Variants in ZFPM2 observed in about 807,000 individuals in gnomAD.
ZFPM2 encodes zinc finger protein ZFPM2.
A neutral mutation model predicts 98.6 loss-of-function variants in ZFPM2; 20 were observed. The ratio of observed to expected loss-of-function variants is 0.20; its 90% CI spans 0.14 to 0.29. The LOEUF is 0.29. Among genes scored for constraint, ZFPM2 ranks in the 10% least tolerant of loss-of-function variants. The pLI, the probability that ZFPM2 is intolerant of heterozygous loss-of-function variation, is 1.00. For missense variants in ZFPM2, 1,310 were observed against 1,388.6 expected (o/e 0.94, Z 0.90); for synonymous variants, 518 against 502.7 (o/e 1.03, Z -0.41).
At chr8:105,337,469 CAA>C (rs563793026) in intron 1 of ZFPM2, among the ~76,000 whole-genome samples, 180 of 151,888 alleles carry the variant, frequency 1.2e-3, no homozygotes, top group African/African-American at 4.0e-3. Context: ...TTGTAAATCT[CAA>C]AGTTTCAAAA....
Position 105,802,204 on chromosome 8 carries a change from T to G in ZFPM2, c.2122T>G (p.Tyr708Asp). Residue 708 changes from tyrosine (Y) to aspartate (D), a missense_variant, in exon 8 of 8, where the codon TAT (tyrosine) becomes GAT (aspartate). By Grantham distance (160) the Tyr-to-Asp change is radical. Coordinates refer to ENST00000407775, the MANE Select transcript of ZFPM2 (RefSeq NM_012082.4). ...CGAAACATACATGGTCCACAAACAG[T>G]ATTACTGTGCTACACGCCACGACCC... ...RHETYMVHKQ[Y>D]YCATRHDPPL... The G allele has an allele frequency of 6.2e-7, 1 of 1,613,810 alleles. No individual in the cohort carries two copies. Among genetic ancestry groups the G allele is most frequent in the East Asian group, 2.2e-5 (1 of 44,834 alleles).
rs1259395862 is a variant in ZFPM2, at chr8:105,418,379, C to T, written c.41-765C>T. On this transcript the variant is annotated intron_variant, in intron 1 of 7. Transcript: ENST00000407775. ...AGCCCAGTGGTATTCCCATGTAGTC[C>T]ACTTCAGATCGGTCTGAACAACTCC... 2.0e-5 allele frequency among the ~76,000 whole-genome samples: 3 copies of T among 152,230 alleles called. No individual in the cohort carries two copies. The East Asian group carries it at 5.8e-4, about 29-fold the overall frequency.
chr8:105,518,433 T>C (rs1257472003), intron 3 of ZFPM2, among the ~76,000 whole-genome samples: 2 of 152,254 alleles, frequency 1.3e-5, no homozygotes, highest in African/African-American at 2.4e-5. Flanking sequence ...GATAAAATGC[T>C]TACTCTCTGT....
At chr8:105,764,249 G>T (rs1400475715) in intron 5 of ZFPM2, among the ~76,000 whole-genome samples, 1 of 147,578 alleles carries the variant, frequency 6.8e-6, no homozygotes, top group Non-Finnish European at 1.5e-5. Context: ...CTAGATCAAG[G>T]TTTAAAACTC....
Position 105,651,343 on chromosome 8 carries a change from C to A in ZFPM2, c.532+16986C>A, listed in dbSNP as rs554459397. Among the ~76,000 whole-genome samples the A allele has an allele frequency of 1.1e-3, 164 of 151,996 alleles. 1 individual carries two copies. Among genetic ancestry groups the A allele is most frequent in the African/African-American group, 3.7e-3 (154 of 41,462 alleles). ...ATTAGCCGGGTGTGGTGGCGGGCAC[C>A]TGTAATCCCAGCTACTTAGGAGGCT... On this transcript the variant is annotated intron_variant, in intron 5 of 7. Coordinates refer to ENST00000407775, the MANE Select transcript of ZFPM2 (RefSeq NM_012082.4).
chr8:105,463,762 A>G (rs550535025), intron 3 of ZFPM2, among the ~76,000 whole-genome samples: 2 of 151,954 alleles, frequency 1.3e-5, no homozygotes, highest in African/African-American at 4.8e-5. Context: ...TTTTTTTCCC[A>G]AAAAGGAAGA....
chr8:105,404,752 C>A (rs1563643366), intron 1 of ZFPM2, among the ~76,000 whole-genome samples: 1 of 152,036 alleles, frequency 6.6e-6, no homozygotes, highest in African/African-American at 2.4e-5. Flanking sequence ...TGTGTGGAAT[C>A]CTGGTAGATT....
At chr8:105,596,181 A>G (rs1815966140) in intron 4 of ZFPM2, among the ~76,000 whole-genome samples, 1 of 152,038 alleles carries the variant, frequency 6.6e-6, no homozygotes, top group South Asian at 2.1e-4. Context: ...GTGAATGAAA[A>G]TATGTTTGGC....
intron 1 of ZFPM2, among the ~76,000 whole-genome samples, chr8:105,351,747 T>C (rs1274819366): frequency 1.3e-5 from 2 of 152,138 alleles, no homozygotes; most frequent in Non-Finnish European, 2.9e-5. Flanking sequence ...CTTTATTCTC[T>C]GAACCAAATA....
At chr8:105,674,173 T>C (rs1276024065) in intron 5 of ZFPM2, among the ~76,000 whole-genome samples, 1 of 152,204 alleles carries the variant, frequency 6.6e-6, no homozygotes, top group Non-Finnish European at 1.5e-5. Flanking sequence ...ATATTAATTA[T>C]AATTAGAATG....
chr8:105,567,950 C>T (rs1282430197), intron 4 of ZFPM2, among the ~76,000 whole-genome samples: 1 of 151,868 alleles, frequency 6.6e-6, no homozygotes, highest in Non-Finnish European at 1.5e-5. Context: ...TGATATCTTC[C>T]TTCTTAATAT....
intron 5 of ZFPM2, among the ~76,000 whole-genome samples, chr8:105,781,991 T>C (rs1215522379): frequency 1.3e-5 from 2 of 152,150 alleles, no homozygotes; most frequent in Non-Finnish European, 1.5e-5. Context: ...AAATCTGCCT[T>C]ATTCAAATGC....
chr8:105,737,401 G>A (rs1399882311), intron 5 of ZFPM2: 1 of 153,480 alleles, frequency 6.5e-6, no homozygotes, highest in African/African-American at 2.4e-5. Context: ...GTTTCAGAGA[G>A]TTCTGTGGCT....
At chr8:105,739,505 T>C (rs564460930) in intron 5 of ZFPM2, among the ~76,000 whole-genome samples, 1 of 152,208 alleles carries the variant, frequency 6.6e-6, no homozygotes, top group African/African-American at 2.4e-5. Context: ...TATTCATTTT[T>C]ATAGGGAGGA....
intron 1 of ZFPM2, among the ~76,000 whole-genome samples, chr8:105,371,815 T>G (rs1271211992): frequency 6.6e-6 from 1 of 152,048 alleles, no homozygotes; most frequent in Non-Finnish European, 1.5e-5. Flanking sequence ...ATTGGCAAAA[T>G]TTAATCTGTA....
intron 5 of ZFPM2, among the ~76,000 whole-genome samples, chr8:105,642,059 T>C (rs948409134): frequency 1.3e-5 from 2 of 152,118 alleles, no homozygotes; most frequent in African/African-American, 4.8e-5. Flanking sequence ...TTCAAGGATG[T>C]TAGCTTGTCA....
At chr8:105,624,471 A>G (rs1468793194) in intron 4 of ZFPM2, among the ~76,000 whole-genome samples, 7 of 152,190 alleles carry the variant, frequency 4.6e-5, no homozygotes, top group Admixed American at 3.3e-4. Flanking sequence ...CAAAAGGGAA[A>G]GAGAAATGAG....
At chr8:105,723,389 C>T (rs900237534) in intron 5 of ZFPM2, among the ~76,000 whole-genome samples, 7 of 151,862 alleles carry the variant, frequency 4.6e-5, no homozygotes, top group African/African-American at 1.7e-4. Context: ...ATTGACAGTC[C>T]TTTCCATACA....
chr8:105,381,914 T>G (rs1445573378), intron 1 of ZFPM2, among the ~76,000 whole-genome samples: 1 of 152,136 alleles, frequency 6.6e-6, no homozygotes, highest in Admixed American at 6.6e-5. Context: ...GTTGAAGTTG[T>G]AAACATTATT....
Sources: allele counts gnomAD v4.1 joint callset (sites outside exome capture counted in the v4.1 genomes callset), GRCh38; gene constraint gnomAD v4.1.1; transcripts MANE v1.5; gene names NCBI Gene and HGNC (gene_info 2026-07-23, HGNC 2026-07-21).